SLC1A2: variants seen among roughly 807,000 people sequenced by gnomAD.
SLC1A2 encodes solute carrier family 1 member 2, also known as excitatory amino acid transporter 2.
Under a neutral mutation model 48.8 loss-of-function variants are expected in SLC1A2, and 15 were observed. The ratio of observed to expected loss-of-function variants is 0.31; its 90% CI spans 0.21 to 0.47. The LOEUF (loss-of-function observed/expected upper bound fraction) is 0.47, where lower values mean the gene tolerates loss of function less well. SLC1A2 is among the 20% of genes least tolerant of loss of function. The pLI, the probability that SLC1A2 is intolerant of heterozygous loss-of-function variation, is 0.99. For missense variants in SLC1A2, 502 were observed against 730.5 expected, an observed-to-expected ratio of 0.69 and a Z score of 3.61; for synonymous variants, 279 against 272.6, an observed-to-expected ratio of 1.02 and a Z score of -0.23.
chr11:35,261,884 C>T, intron 10 of SLC1A2: 1 of 396,246 alleles, frequency 2.5e-6, no homozygotes, highest in Non-Finnish European at 4.4e-6. Flanking sequence ...AAACCAAGTG[C>T]CCTTCAACGA....
chr11:35,311,184 G>C (rs1313221260), intron 4 of SLC1A2, among the ~76,000 whole-genome samples: 1 of 150,850 alleles, frequency 6.6e-6, no homozygotes, highest in African/African-American at 2.4e-5. Context: ...TTTTGTTTTT[G>C]AGACAGTATG....
chr11:35,290,981 G>C (rs182065470), intron 7 of SLC1A2, among the ~76,000 whole-genome samples: 1 of 152,050 alleles, frequency 6.6e-6, no homozygotes, highest in East Asian at 1.9e-4. Context: ...CTGTTAGGTC[G>C]CTTAAGGGAA....
chr11:35,261,093 T>C (rs112942643), intron 10 of SLC1A2, 128 bp from the exon 11 acceptor site: 19 of 713,618 alleles, frequency 2.7e-5, no homozygotes, highest in Non-Finnish European at 4.5e-5. Context: ...TAAATGGAGT[T>C]CTTTCCAAAT....
intron 1 of SLC1A2, among the ~76,000 whole-genome samples, chr11:35,386,503 C>T (rs1398487715): frequency 6.6e-6 from 1 of 152,312 alleles, no homozygotes; most frequent in Non-Finnish European, 1.5e-5. Context: ...TGTTACTACT[C>T]AGATGGCTAT....
At chr11:35,274,521 G>C (rs1591413206) in intron 9 of SLC1A2, among the ~76,000 whole-genome samples, 1 of 152,110 alleles carries the variant, frequency 6.6e-6, no homozygotes, top group Admixed American at 6.6e-5. Context: ...AATTAGTTTT[G>C]TTTTCCACCA....
chr11:35,267,130 C>T (rs910299234), intron 9 of SLC1A2, among the ~76,000 whole-genome samples: 4 of 152,176 alleles, frequency 2.6e-5, no homozygotes, highest in African/African-American at 4.8e-5. Context: ...GTGAAGACTG[C>T]GTCTTGAGGT....
chr11:35,340,539 C>G (rs1005682457), intron 1 of SLC1A2, among the ~76,000 whole-genome samples: 1 of 152,252 alleles, frequency 6.6e-6, no homozygotes, highest in Non-Finnish European at 1.5e-5. Flanking sequence ...AAGCCTACTT[C>G]TACCCCTTTC....
intron 5 of SLC1A2, among the ~76,000 whole-genome samples, chr11:35,305,109 T>C (rs550218741): frequency 8.5e-5 from 13 of 152,202 alleles, no homozygotes; most frequent in South Asian, 4.1e-4. Context: ...CTATTTCCTG[T>C]CTCGGGGACA....
chr11:35,382,046 G>A (rs1200726069), intron 1 of SLC1A2, among the ~76,000 whole-genome samples: 1 of 152,198 alleles, frequency 6.6e-6, no homozygotes, highest in Non-Finnish European at 1.5e-5. Flanking sequence ...AAGCAGGTAT[G>A]ATAACATGCC....
intron 1 of SLC1A2, among the ~76,000 whole-genome samples, chr11:35,368,669 C>T (rs1418408736): frequency 1.3e-5 from 2 of 152,154 alleles, no homozygotes; most frequent in South Asian, 2.1e-4. Context: ...TACTGTTGTC[C>T]TGTTTTATTT....
At chr11:35,408,349 G>A (rs1855361818) in intron 1 of SLC1A2, among the ~76,000 whole-genome samples, 1 of 152,152 alleles carries the variant, frequency 6.6e-6, no homozygotes, top group African/African-American at 2.4e-5. Flanking sequence ...GTATCTCCCA[G>A]AATTCCCATG....
intron 6 of SLC1A2, among the ~76,000 whole-genome samples, chr11:35,295,918 G>GGCATACCTGA (rs1274583469): frequency 2.0e-5 from 3 of 152,084 alleles, no homozygotes; most frequent in Non-Finnish European, 4.4e-5. Flanking sequence ...GCTTACCCTG[G>GGCATACCTGA]GCTTACCTGA....
At chr11:35,365,282 T>C (rs954152434) in intron 1 of SLC1A2, among the ~76,000 whole-genome samples, 7 of 152,132 alleles carry the variant, frequency 4.6e-5, no homozygotes, top group African/African-American at 1.7e-4. Flanking sequence ...TCTAAGTGCC[T>C]CCAAAGCCCT....
intron 1 of SLC1A2, 48 bp from the exon 2 acceptor site, chr11:35,317,564 A>G (rs756266873): frequency 1.6e-5 from 25 of 1,582,802 alleles, no homozygotes; most frequent in African/African-American, 4.0e-5. Context: ...CACCTCCCCT[A>G]TACAGTTTCA....
At chr11:35,381,120 C>A (rs1181929656) in intron 1 of SLC1A2, among the ~76,000 whole-genome samples, 3 of 152,088 alleles carry the variant, frequency 2.0e-5, no homozygotes, top group Admixed American at 1.3e-4. Flanking sequence ...TGTTTCTTTT[C>A]TCTTATTTTC....
chr11:35,280,769 T>A (rs946717884), intron 9 of SLC1A2, 98 bp downstream of exon 9: 2 of 717,898 alleles, frequency 2.8e-6, no homozygotes, highest in African/African-American at 3.7e-5. Context: ...GGAGTTGCCA[T>A]GGGGATTAGC....
rs117044959 is a variant in SLC1A2 at position 35,254,789 on chromosome 11, A to G, written c.*6105T>C. 2.0e-3 allele frequency: 928 copies of G among 456,142 alleles called. 10 individuals are homozygous for G. The highest frequency in any genetic ancestry group is 2.2e-3 in the East Asian group (32 of 14,396). 28.3% of individuals were successfully genotyped at this position (456,142 alleles called of 1,614,324 possible). A position where few individuals can be genotyped will look rare whatever the true frequency, so the allele number is the denominator to read the frequency against. On this transcript the variant is annotated 3_prime_UTR_variant, in exon 11 of 11. Transcript: ENST00000278379. ...GAGGTCTGTTCCAATAGCTGGTTTT[A>G]TTCTCAGCACAAAAGGGCCCTGTGT...
Position 35,259,656 on chromosome 11 carries a change from T to C in SLC1A2, c.*1238A>G, listed in dbSNP as rs1251922335. ...GTTCAAGGCTGCCTGGACTCTGCCATAGGAATATCACTTTTATAGGGTTTT... is the reference window on the plus strand; with the variant it reads ...GTTCAAGGCTGCCTGGACTCTGCCACAGGAATATCACTTTTATAGGGTTTT... On this transcript the variant is annotated 3_prime_UTR_variant, in exon 11 of 11. Coordinates refer to ENST00000278379, the MANE Select transcript of SLC1A2 (RefSeq NM_004171.4). 1 of 152,254 alleles carries C rather than the reference T, an allele frequency of 6.6e-6. No individual in the cohort carries two copies. The highest frequency in any genetic ancestry group is 1.9e-4 in the East Asian group (1 of 5,202). 9.4% of individuals were successfully genotyped at this position (152,254 alleles called of 1,614,324 possible).
intron 1 of SLC1A2, among the ~76,000 whole-genome samples, chr11:35,322,357 T>C (rs1852099707): frequency 6.6e-6 from 1 of 152,246 alleles, no homozygotes; most frequent in South Asian, 2.1e-4. Flanking sequence ...GCTTTGCCAA[T>C]AGCCTGTAAT....
Sources: allele counts gnomAD v4.1 joint callset (sites outside exome capture counted in the v4.1 genomes callset), GRCh38; gene constraint gnomAD v4.1.1; transcripts MANE v1.5; gene names NCBI Gene and HGNC (gene_info 2026-07-23, HGNC 2026-07-21).